The following TAFA2 variants were observed in gnomAD, a reference collection of about 807,000 sequenced individuals.
TAFA2 encodes TAFA chemokine like family member 2, also known as chemokine-like protein TAFA-2.
Under a neutral mutation model 18.8 loss-of-function variants are expected in TAFA2, and 7 were observed. The observed-to-expected ratio is 0.37, with a 90% CI of 0.21 to 0.70. The LOEUF is 0.70. Among genes scored for constraint, TAFA2 ranks in the 30% least tolerant of loss-of-function variants. TAFA2 has a pLI of 0.53. For missense variants in TAFA2, 122 were observed against 158.1 expected (o/e 0.77, Z 1.23); for synonymous variants, 60 against 54.2 (o/e 1.11, Z -0.47).
chr12:62,011,141 C>T (rs569664977), intron 1 of TAFA2, among the ~76,000 whole-genome samples: 340 of 151,532 alleles, frequency 2.2e-3, no homozygotes, highest in Admixed American at 4.7e-3. Context: ...TCTGCCCGGC[C>T]GCCCCGTCTG....
chr12:62,173,283 C>A (rs1592381617), intron 1 of TAFA2, among the ~76,000 whole-genome samples: 1 of 151,950 alleles, frequency 6.6e-6, no homozygotes, highest in Non-Finnish European at 1.5e-5. Context: ...GCACGTCGTG[C>A]GCGCCTGTAA....
intron 1 of TAFA2, among the ~76,000 whole-genome samples, chr12:62,108,963 T>C (rs745345679): frequency 1.3e-5 from 2 of 152,228 alleles, no homozygotes; most frequent in Non-Finnish European, 2.9e-5. Flanking sequence ...TATTTTGCTA[T>C]GCAGAAGCTC....
intron 1 of TAFA2, among the ~76,000 whole-genome samples, chr12:62,072,644 A>C (rs1882661996): frequency 6.6e-6 from 1 of 151,124 alleles, no homozygotes; most frequent in African/African-American, 2.4e-5. Context: ...TAGCAGGGTG[A>C]GGTGATGTGC....
At chr12:61,733,192 G>C (rs1412799455) in intron 4 of TAFA2, among the ~76,000 whole-genome samples, 1 of 152,094 alleles carries the variant, frequency 6.6e-6, no homozygotes, top group Non-Finnish European at 1.5e-5. Flanking sequence ...AGATGAGTAG[G>C]TTGTGAAAAT....
At chr12:62,182,433 G>A (rs1920087) in intron 1 of TAFA2, among the ~76,000 whole-genome samples, 20,746 of 152,090 alleles carry the variant, frequency 0.14, 1,768 homozygotes, top group East Asian at 0.33. Flanking sequence ...CCACCTTTTC[G>A]AATGTGCAGA....
At chr12:61,819,306 C>G (rs1872224902) in intron 2 of TAFA2, among the ~76,000 whole-genome samples, 1 of 152,180 alleles carries the variant, frequency 6.6e-6, no homozygotes, top group Non-Finnish European at 1.5e-5. Flanking sequence ...AACAGCATTA[C>G]TTCAAAGAAT....
At chr12:61,999,654 C>A (rs554472316) in intron 1 of TAFA2, among the ~76,000 whole-genome samples, 1 of 152,090 alleles carries the variant, frequency 6.6e-6, no homozygotes, top group Non-Finnish European at 1.5e-5. Context: ...TTTCTGTATC[C>A]GTATGCTGAA....
chr12:62,234,806 T>A, intron 1 of TAFA2: 1 of 1,017,366 alleles, frequency 9.8e-7, no homozygotes. Context: ...GGAATGGGCC[T>A]GCTTGGGAGT....
At chr12:61,899,466 A>T (rs754137678) in intron 1 of TAFA2, among the ~76,000 whole-genome samples, 3 of 152,204 alleles carry the variant, frequency 2.0e-5, no homozygotes, top group Admixed American at 6.5e-5. Flanking sequence ...GCAGAAGGGG[A>T]AGCAGGCACA....
chr12:62,081,056 G>GTA (rs1185109991), intron 1 of TAFA2, among the ~76,000 whole-genome samples: 1 of 152,078 alleles, frequency 6.6e-6, no homozygotes, highest in East Asian at 1.9e-4. Context: ...TTAGCCGGGC[G>GTA]TAGTGGGGGG....
Position 62,034,303 on chromosome 12 carries a change from G to T in TAFA2, c.-2+156956C>A, listed in dbSNP as rs150474033. On this transcript the variant is annotated intron_variant, in intron 1 of 4. Coordinates refer to ENST00000416284, the MANE Select transcript of TAFA2 (RefSeq NM_178539.5). ...AGGGACAGGATGAAGGTCAGGTACCGCCTGGCAGATAAACCATAAGAATAG... is the reference window on the plus strand; with the variant it reads ...AGGGACAGGATGAAGGTCAGGTACCTCCTGGCAGATAAACCATAAGAATAG... Among the ~76,000 whole-genome samples, 354 of 152,206 alleles carry T rather than the reference G, an allele frequency of 2.3e-3. 7 individuals are homozygous for T. The highest frequency in any genetic ancestry group is 8.4e-3 in the African/African-American group (347 of 41,526).
At chr12:62,158,083 G>GA (rs568144195) in intron 1 of TAFA2, among the ~76,000 whole-genome samples, 1 of 151,866 alleles carries the variant, frequency 6.6e-6, no homozygotes, top group Non-Finnish European at 1.5e-5. Context: ...AACTTTTCTG[G>GA]AAAAAAAGTC....
At chr12:61,856,650 G>T (rs923402426) in intron 2 of TAFA2, among the ~76,000 whole-genome samples, 9 of 151,786 alleles carry the variant, frequency 5.9e-5, no homozygotes, top group Admixed American at 3.9e-4. Context: ...TTTTGTTAGT[G>T]CTATTTTATA....
intron 2 of TAFA2, among the ~76,000 whole-genome samples, chr12:61,830,110 T>C (rs1171771330): frequency 1.3e-5 from 2 of 151,506 alleles, no homozygotes; most frequent in African/African-American, 4.8e-5. Context: ...CCCACCTGTA[T>C]CTACCAATGG....
chr12:62,152,311 T>C (rs1430049182), intron 1 of TAFA2, among the ~76,000 whole-genome samples: 1 of 152,162 alleles, frequency 6.6e-6, no homozygotes, highest in African/African-American at 2.4e-5. Context: ...CTTACACAGA[T>C]AAAACAGCAC....
intron 4 of TAFA2, among the ~76,000 whole-genome samples, chr12:61,753,353 T>C (rs961728082): frequency 6.6e-6 from 1 of 152,000 alleles, no homozygotes; most frequent in African/African-American, 2.4e-5. Flanking sequence ...GGAAAGGAGG[T>C]TCACATTACC....
At chr12:61,937,820 CA>C (rs1409140031) in intron 1 of TAFA2, among the ~76,000 whole-genome samples, 1 of 151,844 alleles carries the variant, frequency 6.6e-6, no homozygotes, top group African/African-American at 2.4e-5. Context: ...CCTAATTAAA[CA>C]AAAAGCTTTT....
intron 1 of TAFA2, among the ~76,000 whole-genome samples, chr12:62,089,724 A>G (rs1157903117): frequency 1.3e-5 from 2 of 152,078 alleles, no homozygotes; most frequent in Non-Finnish European, 2.9e-5. Context: ...TTTTAAAACC[A>G]CAGAGCTGAA....
intron 2 of TAFA2, among the ~76,000 whole-genome samples, chr12:61,825,535 A>T (rs1352401525): frequency 6.6e-6 from 1 of 152,134 alleles, no homozygotes; most frequent in Non-Finnish European, 1.5e-5. Context: ...GGAAACCGCT[A>T]AAACTGCACT....
Sources: allele counts gnomAD v4.1 joint callset (sites outside exome capture counted in the v4.1 genomes callset), GRCh38; gene constraint gnomAD v4.1.1; transcripts MANE v1.5; gene names NCBI Gene and HGNC (gene_info 2026-07-23, HGNC 2026-07-21).